Variants in MAP3K13 observed in about 807,000 individuals in gnomAD.
MAP3K13 encodes mitogen-activated protein kinase kinase kinase 13.
MAP3K13 carries 52 observed loss-of-function variants against 104.0 expected under a neutral mutation model. The observed-to-expected ratio is 0.50, with a 90% CI of 0.40 to 0.63. The LOEUF (loss-of-function observed/expected upper bound fraction) is 0.63, where lower values mean the gene tolerates loss of function less well. Among genes scored for constraint, MAP3K13 ranks in the 20% least tolerant of loss-of-function variants. The probability of loss-of-function intolerance (pLI) is 0.00; values close to 1 mark genes in which losing one functional copy is unlikely to be tolerated. For synonymous variants in MAP3K13, 394 were observed against 442.2 expected (o/e 0.89, Z 1.37); for missense variants, 914 against 1,218.5 (o/e 0.75, Z 3.72).
At chr3:185,349,247 C>G (rs1723049094) in intron 2 of MAP3K13, among the ~76,000 whole-genome samples, 1 of 151,884 alleles carries the variant, frequency 6.6e-6, no homozygotes, top group Non-Finnish European at 1.5e-5. Context: ...AACTTAATAC[C>G]CAGGAGATGG....
At chr3:185,325,679 C>T (rs955922832) in intron 2 of MAP3K13, among the ~76,000 whole-genome samples, 1 of 152,192 alleles carries the variant, frequency 6.6e-6, no homozygotes, top group Admixed American at 6.5e-5. Flanking sequence ...AGGCTTTGGG[C>T]AGGACCAGCT....
Position 185,455,266 on chromosome 3 carries a change from G to GATATATGAGAT in MAP3K13, c.1278+3877_1278+3878insGAGATATATAT, listed in dbSNP as rs1560118912. 6.7e-4 allele frequency among the ~76,000 whole-genome samples: 12 copies of GATATATGAGAT among 17,796 alleles called. 2 individuals carry two copies. The highest frequency in any genetic ancestry group is 1.3e-3 in the African/African-American group (12 of 8,910). 11.7% of individuals were successfully genotyped at this position (17,796 alleles called of 152,430 possible). On this transcript the variant is annotated intron_variant, in intron 7 of 13. Coordinates refer to ENST00000265026, the MANE Select transcript of MAP3K13 (RefSeq NM_004721.5). ...TATATGATATATATGAGATATATGA[G>GATATATGAGAT]ATATATATGAGATATATGAGATATA...
intron 2 of MAP3K13, among the ~76,000 whole-genome samples, chr3:185,293,598 T>C (rs78770670): frequency 6.6e-6 from 1 of 152,150 alleles, no homozygotes; most frequent in South Asian, 2.1e-4. Flanking sequence ...CTAATTTTTG[T>C]ATTTTTTGTA....
chr3:185,476,964 G>A, intron 11 of MAP3K13: 1 of 372,494 alleles, frequency 2.7e-6, no homozygotes, highest in Non-Finnish European at 5.2e-6. Context: ...ACAGAGCCTG[G>A]AACCACTAGT....
intron 2 of MAP3K13, among the ~76,000 whole-genome samples, chr3:185,295,972 G>A (rs1383822400): frequency 6.6e-6 from 1 of 152,172 alleles, no homozygotes; most frequent in African/African-American, 2.4e-5. Context: ...ACTGACTGCA[G>A]TGCTCACGAC....
At chr3:185,431,935 C>T (rs984369532) in intron 2 of MAP3K13, among the ~76,000 whole-genome samples, 3 of 151,992 alleles carry the variant, frequency 2.0e-5, no homozygotes, top group African/African-American at 7.3e-5. Flanking sequence ...TCGTCAGTCC[C>T]TGGTTTTATG....
At chr3:185,474,473 C>T (rs1717993540) in intron 11 of MAP3K13, among the ~76,000 whole-genome samples, 1 of 152,234 alleles carries the variant, frequency 6.6e-6, no homozygotes, top group Non-Finnish European at 1.5e-5. Flanking sequence ...AGTATTCTCT[C>T]ATCCCCTCAT....
chr3:185,377,284 G>C (rs1448516983), intron 1 of MAP3K13, among the ~76,000 whole-genome samples: 1 of 152,130 alleles, frequency 6.6e-6, no homozygotes, highest in African/African-American at 2.4e-5. Context: ...CTGTGGGATG[G>C]GATATTGGCA....
Position 185,312,976 on chromosome 3 carries a change from G to A in MAP3K13, c.-86+27333G>A, listed in dbSNP as rs912525128. Among the ~76,000 whole-genome samples, 149 of 152,042 alleles carry A rather than the reference G, an allele frequency of 9.8e-4. 1 individual carries two copies. The highest frequency in any genetic ancestry group is 6.2e-4 in the South Asian group (3 of 4,822). ...TAGCTAAGGCAGGCAGATCATCTGAGCCCAGAAGTTCAAGACCAGCCTACT... is the reference window on the plus strand; with the variant it reads ...TAGCTAAGGCAGGCAGATCATCTGAACCCAGAAGTTCAAGACCAGCCTACT... On this transcript the variant is annotated intron_variant, in intron 2 of 14. Transcript: ENST00000424227.
At chr3:185,380,294 C>A (rs890887085) in intron 1 of MAP3K13, among the ~76,000 whole-genome samples, 1 of 150,672 alleles carries the variant, frequency 6.6e-6, no homozygotes, top group Non-Finnish European at 1.5e-5. Flanking sequence ...AGGAGGATCA[C>A]GAGGTTAAGA....
chr3:185,406,159 G>A (rs1713103248), intron 1 of MAP3K13, among the ~76,000 whole-genome samples: 1 of 152,282 alleles, frequency 6.6e-6, no homozygotes, highest in Non-Finnish European at 1.5e-5. Context: ...AGAGTAGCCA[G>A]GAAAAATTAC....
At chr3:185,471,380 A>C (rs1341104108) in intron 10 of MAP3K13, among the ~76,000 whole-genome samples, 2 of 140,914 alleles carry the variant, frequency 1.4e-5, no homozygotes, top group Non-Finnish European at 3.0e-5. Flanking sequence ...TCCTGGCCTC[A>C]AGCAATCCTC....
At chr3:185,347,807 G>A (rs138339713) in intron 2 of MAP3K13, among the ~76,000 whole-genome samples, 2,324 of 152,106 alleles carry the variant, frequency 0.015, 27 homozygotes, top group Middle Eastern at 0.024. Context: ...TCAGGAGTTC[G>A]AGAACAGCCT....
chr3:185,377,816 C>G (rs1724505569), intron 1 of MAP3K13, among the ~76,000 whole-genome samples: 1 of 152,254 alleles, frequency 6.6e-6, no homozygotes, highest in South Asian at 2.1e-4. Context: ...AGCCGCTAAG[C>G]CGAGAAGATC....
At position 185,403,697 on chromosome 3, in the gene MAP3K13, A is replaced by G. The variant is rs535072000; in HGVS notation, c.-85-24800A>G. On this transcript the variant is annotated intron_variant, in intron 1 of 13. Transcript: ENST00000265026. Reference sequence around the variant, plus strand: ...TGGAAAACAAAAACAAGAAGACATGATATCTTTCCTCTATGGTTTTATTAC... The same window carrying G: ...TGGAAAACAAAAACAAGAAGACATGGTATCTTTCCTCTATGGTTTTATTAC... Among the ~76,000 whole-genome samples, 27 of 152,358 alleles carry G rather than the reference A, an allele frequency of 1.8e-4. 1 individual carries two copies. In the South Asian group the frequency reaches 5.6e-3, roughly 32 times the overall value.
intron 2 of MAP3K13, among the ~76,000 whole-genome samples, chr3:185,297,220 A>G (rs1272896754): frequency 3.3e-5 from 5 of 152,248 alleles, no homozygotes; most frequent in African/African-American, 1.2e-4. Flanking sequence ...AGGCTCTGCT[A>G]CATTTGAGAG....
chr3:185,390,700 T>G (rs974485209), intron 1 of MAP3K13, among the ~76,000 whole-genome samples: 1 of 149,144 alleles, frequency 6.7e-6, no homozygotes, highest in Non-Finnish European at 1.5e-5. Flanking sequence ...CTCAGCTCAC[T>G]GTAACCTCTG....
chr3:185,417,619 A>G (rs1243883080), intron 1 of MAP3K13: 2 of 1,611,660 alleles, frequency 1.2e-6, no homozygotes, highest in African/African-American at 1.3e-5. Flanking sequence ...CTTAACACCA[A>G]CAGCAGCCTT....
chr3:185,438,483 T>G (rs75407916), intron 3 of MAP3K13, among the ~76,000 whole-genome samples: 175 of 152,336 alleles, frequency 1.1e-3, no homozygotes, highest in African/African-American at 4.1e-3. Flanking sequence ...CTAGATCTCC[T>G]TCCAAGCAAT....
Sources: gnomAD v4.1 joint callset for allele counts (sites outside exome capture counted in the v4.1 genomes callset) on GRCh38, gnomAD v4.1.1 for gene constraint, MANE v1.5 for transcripts, NCBI Gene and HGNC (gene_info 2026-07-23, HGNC 2026-07-21) for gene names.